The following STPG2 variants were observed in gnomAD, a reference collection of about 807,000 sequenced individuals.
The protein encoded by STPG2 is sperm-tail PG-rich repeat-containing protein 2.
A neutral mutation model predicts 54.2 loss-of-function variants in STPG2; 56 were observed. The observed-to-expected ratio is 1.03, with a 90% CI of 0.83 to 1.29. STPG2 has a LOEUF of 1.29. STPG2 is among the 50% of genes most tolerant of loss of function. The probability of loss-of-function intolerance (pLI) is 0.00; values close to 1 mark genes in which losing one functional copy is unlikely to be tolerated. For missense variants in STPG2, 596 were observed against 544.9 expected (o/e 1.09, Z -0.93); for synonymous variants, 200 against 181.8 (o/e 1.10, Z -0.81).
intron 10 of STPG2, among the ~76,000 whole-genome samples, chr4:97,574,443 A>G (rs1283077077): frequency 8.8e-6 from 1 of 113,874 alleles, no homozygotes; most frequent in Admixed American, 7.6e-5. Flanking sequence ...GACAGTTGTA[A>G]AAAAAAAAAG....
At chr4:97,518,892 C>T (rs561780698) in intron 4 of STPG2, among the ~76,000 whole-genome samples, 134 of 152,162 alleles carry the variant, frequency 8.8e-4, no homozygotes, top group African/African-American at 3.0e-3. Context: ...CAATCTGATG[C>T]TAATGCCAGG....
At chr4:97,909,226 T>G (rs566417901) in intron 8 of STPG2, among the ~76,000 whole-genome samples, 15 of 151,910 alleles carry the variant, frequency 9.9e-5, no homozygotes, top group South Asian at 2.1e-4. Context: ...AAGCACATTA[T>G]GAACAACTTT....
intron 10 of STPG2, among the ~76,000 whole-genome samples, chr4:97,604,603 C>T (rs1035995265): frequency 2.0e-5 from 3 of 151,554 alleles, no homozygotes; most frequent in African/African-American, 7.3e-5. Flanking sequence ...AGAAAAGAGC[C>T]CAATCTTTAC....
At chr4:97,783,982 G>T (rs1298358706) in intron 9 of STPG2, among the ~76,000 whole-genome samples, 1 of 151,606 alleles carries the variant, frequency 6.6e-6, no homozygotes, top group Non-Finnish European at 1.5e-5. Context: ...ACGAGTTAAT[G>T]GGGGCAGCAC....
intron 10 of STPG2, among the ~76,000 whole-genome samples, chr4:97,564,470 G>A (rs1174005279): frequency 2.6e-5 from 4 of 152,182 alleles, no homozygotes; most frequent in Non-Finnish European, 5.9e-5. Flanking sequence ...ATTTGAGCCT[G>A]TCATTATGAT....
intron 4 of STPG2, among the ~76,000 whole-genome samples, chr4:97,469,533 G>A (rs773794176): frequency 4.6e-5 from 7 of 152,062 alleles, no homozygotes; most frequent in Non-Finnish European, 8.8e-5. Flanking sequence ...CAGAATCAGA[G>A]AGGAAGATAC....
At chr4:97,619,948 C>A (rs1179159998) in intron 10 of STPG2, among the ~76,000 whole-genome samples, 1 of 151,814 alleles carries the variant, frequency 6.6e-6, no homozygotes, top group Non-Finnish European at 1.5e-5. Flanking sequence ...CTCAGCTTCC[C>A]GAGTAGCTGG....
At chr4:97,697,738 T>C (rs1244174605) in intron 10 of STPG2, among the ~76,000 whole-genome samples, 2 of 152,184 alleles carry the variant, frequency 1.3e-5, no homozygotes, top group Non-Finnish European at 2.9e-5. Context: ...GTTGTTAGTT[T>C]ACCGAAATGA....
intron 5 of STPG2, among the ~76,000 whole-genome samples, chr4:98,088,141 T>C (rs192819821): frequency 4.7e-4 from 71 of 152,274 alleles, no homozygotes; most frequent in Admixed American, 2.9e-3. Flanking sequence ...AATGCTAAGT[T>C]CAGGAAACTG....
At chr4:97,713,606 G>A (rs1724199241) in intron 9 of STPG2, among the ~76,000 whole-genome samples, 1 of 152,208 alleles carries the variant, frequency 6.6e-6, no homozygotes, top group Admixed American at 6.5e-5. Context: ...TCCCTTGCAT[G>A]TGCAGTTCAG....
rs534001223 is a variant in STPG2, at chr4:97,978,850, G to A, written c.772+2309C>T. ...AAAAGATGTAAAGCAGGATTTGGCT[G>A]TAAGACCTTTAGAAATATTTATGGT... On this transcript the variant is annotated intron_variant, in intron 6 of 10. Transcript: ENST00000295268. Among the ~76,000 whole-genome samples, 49 of 152,252 alleles carry A rather than the reference G, an allele frequency of 3.2e-4. 1 individual carries two copies. Among genetic ancestry groups the A allele is most frequent in the African/African-American group, 1.1e-3 (45 of 41,568 alleles).
intron 10 of STPG2, among the ~76,000 whole-genome samples, chr4:97,631,965 T>C (rs550530837): frequency 6.6e-6 from 1 of 152,056 alleles, no homozygotes; most frequent in Non-Finnish European, 1.5e-5. Flanking sequence ...TCTTGAATAA[T>C]AGATGCTTGT....
At chr4:97,513,135 T>C (rs1262643560) in intron 4 of STPG2, among the ~76,000 whole-genome samples, 1 of 152,068 alleles carries the variant, frequency 6.6e-6, no homozygotes, top group East Asian at 1.9e-4. Context: ...AGGGAAACAA[T>C]TTACTTACAT....
chr4:97,770,538 C>A (rs929093204), intron 9 of STPG2, among the ~76,000 whole-genome samples: 1 of 152,078 alleles, frequency 6.6e-6, no homozygotes, highest in Non-Finnish European at 1.5e-5. Context: ...AACAAGATTG[C>A]ATGCTATTAG....
chr4:98,071,750 C>A (rs963453605), intron 5 of STPG2, among the ~76,000 whole-genome samples: 1 of 151,874 alleles, frequency 6.6e-6, no homozygotes, highest in Non-Finnish European at 1.5e-5. Context: ...GGCAAAGGAC[C>A]TAAACAGACA....
chr4:98,017,874 C>G (rs113221140), intron 5 of STPG2, among the ~76,000 whole-genome samples: 4 of 151,992 alleles, frequency 2.6e-5, no homozygotes, highest in African/African-American at 9.7e-5. Flanking sequence ...TGCATTCATT[C>G]ATTCTCTCTC....
At chr4:97,853,387 T>C (rs989926628) in intron 8 of STPG2, among the ~76,000 whole-genome samples, 1 of 152,232 alleles carries the variant, frequency 6.6e-6, no homozygotes, top group Non-Finnish European at 1.5e-5. Context: ...GTAACAAACC[T>C]GCACATTCTG....
At position 98,143,207 on chromosome 4, in the gene STPG2, A is replaced by T. The variant is rs1373005871; in HGVS notation, c.-57T>A. The T allele has an allele frequency of 2.4e-5, 34 of 1,389,774 alleles. No individual in the cohort carries two copies. The highest frequency in any genetic ancestry group is 5.0e-6 in the Non-Finnish European group (5 of 992,810). 86.1% of individuals were successfully genotyped at this position (1,389,774 alleles called of 1,614,324 possible). On this transcript the variant is annotated 5_prime_UTR_variant, in exon 1 of 11. Transcript: ENST00000295268. ...GGCAGGTGCCGAAAACGATAAAAAC[A>T]AGGTAGCTAGAAGTGTGGAGAAAAA...
intron 4 of STPG2, among the ~76,000 whole-genome samples, chr4:97,553,645 C>A (rs140660452): frequency 6.6e-6 from 1 of 152,212 alleles, no homozygotes. Context: ...GTCAAATTTA[C>A]TCTGCTTCTC....
Sources: allele counts gnomAD v4.1 joint callset (sites outside exome capture counted in the v4.1 genomes callset), GRCh38; gene constraint gnomAD v4.1.1; transcripts MANE v1.5; gene names NCBI Gene and HGNC (gene_info 2026-07-23, HGNC 2026-07-21).